Variants in FRMD3 observed in about 807,000 individuals in gnomAD.
FRMD3 encodes the protein FERM domain containing 3, also known as FERM domain-containing protein 3.
Under a neutral mutation model 70.2 loss-of-function variants are expected in FRMD3, and 33 were observed. The ratio of observed to expected loss-of-function variants is 0.47; its 90% CI spans 0.36 to 0.63. The LOEUF (loss-of-function observed/expected upper bound fraction) is 0.63. Ranked by LOEUF, FRMD3 falls within the 20% of genes least tolerant of loss-of-function variation. The pLI is 0.00. For missense variants in FRMD3, 632 were observed against 711.4 expected, an observed-to-expected ratio of 0.89 and a Z score of 1.27; for synonymous variants, 279 against 255.9, an observed-to-expected ratio of 1.09 and a Z score of -0.86.
chr9:83,326,928 G>C (rs752031839), intron 6 of FRMD3, among the ~76,000 whole-genome samples: 1 of 152,138 alleles, frequency 6.6e-6, no homozygotes, highest in Non-Finnish European at 1.5e-5. Context: ...AGTACTTTTA[G>C]ACAAAAAGGA....
At chr9:83,306,822 G>A (rs989763943) in intron 10 of FRMD3, among the ~76,000 whole-genome samples, 2 of 152,190 alleles carry the variant, frequency 1.3e-5, no homozygotes, top group African/African-American at 4.8e-5. Flanking sequence ...CTTGGAGAAA[G>A]GAACAAGGGA....
chr9:83,584,841 G>C, the FRMD3 span, among the ~76,000 whole-genome samples: 8,154 of 152,194 alleles, frequency 0.054, 736 homozygotes, highest in African/African-American at 0.19. Flanking sequence ...GAAATGGATC[G>C]ATAATAGGAC....
intron 5 of FRMD3, among the ~76,000 whole-genome samples, chr9:83,342,077 C>CTCTCTCT (rs1823778416): frequency 6.8e-6 from 1 of 148,110 alleles, no homozygotes; most frequent in South Asian, 2.2e-4. Context: ...CTCTCTCTTT[C>CTCTCTCT]CCCCAGCCTG....
intron 13 of FRMD3, among the ~76,000 whole-genome samples, chr9:83,288,022 T>C (rs1834284733): frequency 6.6e-6 from 1 of 152,342 alleles, no homozygotes; most frequent in South Asian, 2.1e-4. Context: ...ATTCCCAGCC[T>C]CTTTAAGTTT....
intron 1 of FRMD3, among the ~76,000 whole-genome samples, chr9:83,496,836 G>A (rs1036282005): frequency 2.0e-5 from 3 of 150,160 alleles, no homozygotes. Context: ...AGTGTAGACT[G>A]GGTGCGGTGG....
At chr9:83,352,968 G>A (rs1479086541) in intron 3 of FRMD3, among the ~76,000 whole-genome samples, 2 of 152,186 alleles carry the variant, frequency 1.3e-5, no homozygotes, top group Non-Finnish European at 2.9e-5. Flanking sequence ...TCAATACAAG[G>A]TGCTCAAGAT....
At chr9:83,543,625 A>G in the FRMD3 span, among the ~76,000 whole-genome samples, 1 of 152,180 alleles carries the variant, frequency 6.6e-6, no homozygotes, top group Non-Finnish European at 1.5e-5. Context: ...TGGCACCCAC[A>G]TGGGGCCAGC....
At chr9:83,533,346 C>T (rs144828294) in intron 1 of FRMD3, among the ~76,000 whole-genome samples, 37 of 152,240 alleles carry the variant, frequency 2.4e-4, no homozygotes, top group South Asian at 1.2e-3. Context: ...TGAGATAATA[C>T]GTACACTACC....
chr9:83,465,528 G>C (rs1828102951), intron 1 of FRMD3, among the ~76,000 whole-genome samples: 1 of 152,120 alleles, frequency 6.6e-6, no homozygotes, highest in Non-Finnish European at 1.5e-5. Context: ...CCAAAGTACA[G>C]AAAAACACCA....
In FRMD3 at chr9:83,495,688, G is replaced by A. The variant is rs567840714; in HGVS notation, c.147+42397C>T. On this transcript the variant is annotated intron_variant, in intron 1 of 13. Coordinates refer to ENST00000304195, the MANE Select transcript of FRMD3 (RefSeq NM_174938.6). ...CTGCATGTACTTAATGATAGGTATA[G>A]TAAGCATCTTTTCTGTGACAAAAGT... Among the ~76,000 whole-genome samples, 33 of 152,316 alleles carry A rather than the reference G, an allele frequency of 2.2e-4. No homozygotes were observed. The South Asian group carries it at 6.6e-3, about 31-fold the overall frequency.
At chr9:83,333,725 T>C (rs1004505959) in intron 6 of FRMD3, among the ~76,000 whole-genome samples, 1 of 152,202 alleles carries the variant, frequency 6.6e-6, no homozygotes, top group Non-Finnish European at 1.5e-5. Flanking sequence ...GTGAAACACC[T>C]ACCCGACTAC....
intron 1 of FRMD3, among the ~76,000 whole-genome samples, chr9:83,440,765 C>A (rs2131393534): frequency 6.6e-6 from 1 of 152,278 alleles, no homozygotes; most frequent in Non-Finnish European, 1.5e-5. Context: ...GTTTTCTTAT[C>A]TATCAGATAG....
intron 2 of FRMD3, among the ~76,000 whole-genome samples, chr9:83,375,714 T>G (rs949696431): frequency 1.3e-5 from 2 of 152,128 alleles, no homozygotes; most frequent in Admixed American, 1.3e-4. Flanking sequence ...CTGGGGCCTA[T>G]CAGAGGGTGG....
intron 2 of FRMD3, among the ~76,000 whole-genome samples, chr9:83,389,028 C>T (rs1030899274): frequency 1.2e-4 from 18 of 150,842 alleles, no homozygotes; most frequent in Admixed American, 1.1e-3. Flanking sequence ...TCACTGCAGC[C>T]TTGACCTCCC....
chr9:83,338,257 A>G (rs935109770), intron 5 of FRMD3, among the ~76,000 whole-genome samples: 5 of 152,226 alleles, frequency 3.3e-5, no homozygotes, highest in African/African-American at 1.2e-4. Context: ...GCAGAGACAC[A>G]AGAAAACAAA....
chr9:83,293,499 G>A (rs115772558), intron 12 of FRMD3, among the ~76,000 whole-genome samples: 1,941 of 152,154 alleles, frequency 0.013, 29 homozygotes, highest in African/African-American at 0.043. Context: ...ATGGGCCCTC[G>A]GTGAGCCTTT....
At chr9:83,492,409 A>AT (rs951552843) in intron 1 of FRMD3, among the ~76,000 whole-genome samples, 2 of 152,054 alleles carry the variant, frequency 1.3e-5, no homozygotes. Context: ...AGTTTGGGGA[A>AT]TTTTTTTTAC....
At chr9:83,311,312 C>A (rs1408227293) in intron 8 of FRMD3, among the ~76,000 whole-genome samples, 2 of 151,496 alleles carry the variant, frequency 1.3e-5, no homozygotes, top group African/African-American at 4.8e-5. Context: ...AAACAGAGAC[C>A]TAAATCCTTC....
At chr9:83,541,130 T>A (rs1829994786), upstream of FRMD3, among the ~76,000 whole-genome samples, 1 of 152,200 alleles carries the variant, frequency 6.6e-6, no homozygotes, top group African/African-American at 2.4e-5. Flanking sequence ...GGGAAGCCGA[T>A]CTCCTCCCAC....
Sources: gnomAD v4.1 joint callset for allele counts (sites outside exome capture counted in the v4.1 genomes callset) on GRCh38, gnomAD v4.1.1 for gene constraint, MANE v1.5 for transcripts, NCBI Gene and HGNC (gene_info 2026-07-23, HGNC 2026-07-21) for gene names.